The following CLDN16 variants were observed in gnomAD, a reference collection of about 807,000 sequenced individuals.
CLDN16 encodes claudin 16.
A neutral mutation model predicts 24.6 loss-of-function variants in CLDN16; 13 were observed. That is an observed-to-expected ratio of 0.53 (90% CI 0.34 to 0.84). The LOEUF is 0.84. CLDN16 is among the 40% of genes least tolerant of loss of function. The probability of loss-of-function intolerance (pLI) is 0.01; values close to 1 mark genes in which losing one functional copy is unlikely to be tolerated. For synonymous variants in CLDN16, 116 were observed against 106.7 expected (o/e 1.09, Z -0.54); for missense variants, 298 against 292.7 (o/e 1.02, Z -0.13).
chr3:190,348,029 G>A (rs1023515856), intron 1 of CLDN16, among the ~76,000 whole-genome samples: 1 of 150,100 alleles, frequency 6.7e-6, no homozygotes, highest in Non-Finnish European at 1.5e-5. Flanking sequence ...GGATCACGAG[G>A]TCAGGAGATT....
chr3:190,362,637 T>C (rs1560087789), intron 1 of CLDN16, among the ~76,000 whole-genome samples: 1 of 152,004 alleles, frequency 6.6e-6, no homozygotes, highest in Non-Finnish European at 1.5e-5. Context: ...GTGAACCAGT[T>C]GGGCAGTTAC....
intron 1 of CLDN16, among the ~76,000 whole-genome samples, chr3:190,337,388 C>A (rs1251285319): frequency 3.3e-5 from 5 of 152,144 alleles, no homozygotes; most frequent in African/African-American, 1.2e-4. Flanking sequence ...TACGTGTTAA[C>A]CCTCATCAAG....
chr3:190,320,073 T>G (rs76468842), upstream of CLDN16, among the ~76,000 whole-genome samples: 3,117 of 151,914 alleles, frequency 0.021, 111 homozygotes, highest in African/African-American at 0.071. Context: ...AAAGTGTGTG[T>G]GGGGGGGTAG....
chr3:190,361,785 C>A (rs1392912829), intron 1 of CLDN16, among the ~76,000 whole-genome samples: 2 of 151,790 alleles, frequency 1.3e-5, no homozygotes, highest in East Asian at 3.9e-4. Context: ...CAAGCTGGAA[C>A]CTTGCACAGG....
chr3:190,353,752 G>T (rs552929650), intron 1 of CLDN16, among the ~76,000 whole-genome samples: 1 of 152,156 alleles, frequency 6.6e-6, no homozygotes, highest in South Asian at 2.1e-4. Flanking sequence ...ACAAAGAGCT[G>T]GTTCTAGTAG....
intron 1 of CLDN16, among the ~76,000 whole-genome samples, chr3:190,363,556 G>GTGTGTGTGTATATATATATATA (rs1301414615): frequency 1.1e-5 from 1 of 87,402 alleles, no homozygotes; most frequent in African/African-American, 4.7e-5. Context: ...GTGTGTGTGT[G>GTGTGTGTGTATATATATATATA]TATATATATA....
chr3:190,328,222 A>G (rs1044156785), intron 1 of CLDN16, among the ~76,000 whole-genome samples: 1 of 152,050 alleles, frequency 6.6e-6, no homozygotes, highest in African/African-American at 2.4e-5. Flanking sequence ...TGGAGGCTAT[A>G]GTGAGCTGTG....
chr3:190,353,002 A>G (rs1030591378), intron 1 of CLDN16, among the ~76,000 whole-genome samples: 13 of 152,032 alleles, frequency 8.6e-5, no homozygotes, highest in African/African-American at 3.1e-4. Context: ...AGTACAATTT[A>G]ATTTCCTCCT....
intron 1 of CLDN16, among the ~76,000 whole-genome samples, chr3:190,397,539 G>A (rs1718852407): frequency 6.6e-6 from 1 of 152,166 alleles, no homozygotes; most frequent in Admixed American, 6.5e-5. Flanking sequence ...TTTTACAACA[G>A]AGGAATAAGT....
the CLDN16 span, among the ~76,000 whole-genome samples, chr3:190,300,255 C>T: frequency 3.3e-4 from 49 of 149,588 alleles, no homozygotes; most frequent in Non-Finnish European, 6.0e-4. Context: ...TAACAGCTCA[C>T]AGATAATGAG....
chr3:190,379,805 A>G (rs1718320129), intron 3 of CLDN16, among the ~76,000 whole-genome samples: 1 of 152,246 alleles, frequency 6.6e-6, no homozygotes, highest in South Asian at 2.1e-4. Context: ...TTTTCTAAGA[A>G]ATTCTTATTA....
the CLDN16 span, among the ~76,000 whole-genome samples, chr3:190,302,771 C>CAAAAA: frequency 7.4e-4 from 99 of 134,682 alleles, 1 homozygote; most frequent in East Asian, 1.5e-3. Context: ...AACCCTGTCT[C>CAAAAA]AAAAAAAAAT....
At chr3:190,325,988 C>G (rs1717051883) in intron 1 of CLDN16, among the ~76,000 whole-genome samples, 1 of 152,122 alleles carries the variant, frequency 6.6e-6, no homozygotes, top group South Asian at 2.1e-4. Flanking sequence ...TAAAATGGCC[C>G]TTTGAAGCTC....
At chr3:190,400,406 T>C (rs912888103) in intron 1 of CLDN16, among the ~76,000 whole-genome samples, 1 of 152,090 alleles carries the variant, frequency 6.6e-6, no homozygotes, top group African/African-American at 2.4e-5. Context: ...CTAATTTTTG[T>C]ATTTTTAGTA....
chr3:190,344,951 T>TAAG (rs144438273), intron 1 of CLDN16, among the ~76,000 whole-genome samples: 4,489 of 152,202 alleles, frequency 0.029, 106 homozygotes, highest in East Asian at 0.081. Flanking sequence ...AATAAATGAA[T>TAAG]AAGATCAGAC....
intron 1 of CLDN16, among the ~76,000 whole-genome samples, chr3:190,355,013 A>G (rs938723037): frequency 6.6e-6 from 1 of 151,994 alleles, no homozygotes; most frequent in Non-Finnish European, 1.5e-5. Context: ...ACATTATTCT[A>G]ATGGTTTTTT....
At chr3:190,387,536 T>C (rs951220272), upstream of CLDN16, among the ~76,000 whole-genome samples, 1 of 152,186 alleles carries the variant, frequency 6.6e-6, no homozygotes, top group Admixed American at 6.5e-5. Context: ...ACAAGCATTA[T>C]ATAAAGAAAA....
At chr3:190,329,610 A>C (rs1432858093) in intron 1 of CLDN16, among the ~76,000 whole-genome samples, 1 of 152,172 alleles carries the variant, frequency 6.6e-6, no homozygotes, top group Non-Finnish European at 1.5e-5. Flanking sequence ...GAATAATAAG[A>C]CTTGGAACCA....
At chr3:190,317,979 G>A (rs561041197), upstream of CLDN16, among the ~76,000 whole-genome samples, 2 of 152,184 alleles carry the variant, frequency 1.3e-5, no homozygotes, top group African/African-American at 4.8e-5. Flanking sequence ...AAAATATTGT[G>A]CTTCCTTCTC....
Sources: gnomAD v4.1 joint callset for allele counts (sites outside exome capture counted in the v4.1 genomes callset) on GRCh38, gnomAD v4.1.1 for gene constraint, MANE v1.5 for transcripts, NCBI Gene and HGNC (gene_info 2026-07-23, HGNC 2026-07-21) for gene names.